Variants in ADGRB3 observed in about 807,000 individuals in gnomAD.
ADGRB3 encodes the protein adhesion G protein-coupled receptor B3.
Under a neutral mutation model 193.4 loss-of-function variants are expected in ADGRB3, and 37 were observed. That is an observed-to-expected ratio of 0.19 (90% CI 0.15 to 0.25). The LOEUF is 0.25. Among genes scored for constraint, ADGRB3 ranks in the 10% least tolerant of loss-of-function variants. The pLI is 1.00. For synonymous variants in ADGRB3, 690 were observed against 644.2 expected (o/e 1.07, Z -1.08); for missense variants, 1,637 against 1,852.9 (o/e 0.88, Z 2.14).
chr6:68,732,252 G>A (rs974049168), intron 3 of ADGRB3, among the ~76,000 whole-genome samples: 2 of 151,716 alleles, frequency 1.3e-5, no homozygotes, highest in Non-Finnish European at 2.9e-5. Flanking sequence ...GTTTGTTAGA[G>A]ATTATTTCAT....
At chr6:69,281,581 C>T (rs1306846753) in intron 20 of ADGRB3, among the ~76,000 whole-genome samples, 13 of 152,162 alleles carry the variant, frequency 8.5e-5, no homozygotes, top group Admixed American at 8.5e-4. Flanking sequence ...AGCCCATCTG[C>T]ACCTGCTGCA....
At chr6:69,120,999 C>CT (rs36095516) in intron 17 of ADGRB3, among the ~76,000 whole-genome samples, 55,247 of 123,468 alleles carry the variant, frequency 0.45, 12,360 homozygotes, top group Middle Eastern at 0.62. Flanking sequence ...ATGCAGTTAT[C>CT]TTTTTTTTTT....
intron 20 of ADGRB3, among the ~76,000 whole-genome samples, chr6:69,317,375 CTA>C (rs1480721339): frequency 6.6e-6 from 1 of 151,402 alleles, no homozygotes; most frequent in Admixed American, 6.6e-5. Flanking sequence ...GCTTGTACAC[CTA>C]TCCACTAGTG....
intron 3 of ADGRB3, among the ~76,000 whole-genome samples, chr6:68,873,214 G>A (rs1332467248): frequency 6.6e-6 from 1 of 152,064 alleles, no homozygotes; most frequent in Admixed American, 6.6e-5. Flanking sequence ...CTTAAAATAG[G>A]TGGTATTAAT....
intron 3 of ADGRB3, among the ~76,000 whole-genome samples, chr6:68,840,335 C>A (rs487492): frequency 0.22 from 31,332 of 143,014 alleles, 3,883 homozygotes; most frequent in East Asian, 0.59. Flanking sequence ...TACATCAGGC[C>A]ACAGTGGGGC....
chr6:68,762,658 C>T (rs1369961581), intron 3 of ADGRB3, among the ~76,000 whole-genome samples: 10 of 151,928 alleles, frequency 6.6e-5, no homozygotes, highest in South Asian at 6.2e-4. Context: ...AAATGTCATA[C>T]GATACTTAAG....
intron 3 of ADGRB3, among the ~76,000 whole-genome samples, chr6:68,799,546 T>A (rs905176826): frequency 6.6e-6 from 1 of 152,234 alleles, no homozygotes; most frequent in South Asian, 2.1e-4. Context: ...CCAATTTTTT[T>A]AAGTACTGTA....
At chr6:69,051,543 A>G (rs887274323) in intron 15 of ADGRB3, among the ~76,000 whole-genome samples, 1 of 152,214 alleles carries the variant, frequency 6.6e-6, no homozygotes, top group African/African-American at 2.4e-5. Context: ...GCTCAGGATG[A>G]AATATTTGTT....
intron 3 of ADGRB3, among the ~76,000 whole-genome samples, chr6:68,826,298 G>A (rs1229495779): frequency 6.6e-6 from 1 of 152,170 alleles, no homozygotes; most frequent in African/African-American, 2.4e-5. Context: ...CCTTGAAATG[G>A]GAATTCGAGG....
At chr6:69,223,389 T>A (rs1765940486) in intron 17 of ADGRB3, among the ~76,000 whole-genome samples, 1 of 152,104 alleles carries the variant, frequency 6.6e-6, no homozygotes, top group East Asian at 1.9e-4. Flanking sequence ...AATTGATATC[T>A]CAGTTTGATG....
chr6:68,801,227 G>C (rs958166168), intron 3 of ADGRB3, among the ~76,000 whole-genome samples: 3 of 152,148 alleles, frequency 2.0e-5, no homozygotes, highest in Non-Finnish European at 2.9e-5. Flanking sequence ...GTTCTTAATA[G>C]AAATGTTTCT....
intron 3 of ADGRB3, among the ~76,000 whole-genome samples, chr6:68,909,922 G>A (rs1376200930): frequency 6.6e-6 from 1 of 152,220 alleles, no homozygotes; most frequent in Admixed American, 6.5e-5. Flanking sequence ...TATATACCCA[G>A]TAATGGGATG....
chr6:68,958,870 A>AAATAGTGTGT (rs1554227911), intron 8 of ADGRB3, among the ~76,000 whole-genome samples: 36 of 147,336 alleles, frequency 2.4e-4, no homozygotes, highest in African/African-American at 8.4e-4. Flanking sequence ...AAAGAAAAAT[A>AAATAGTGTGT]GTGTGTGTGT....
chr6:68,931,115 A>G (rs1482424763), intron 4 of ADGRB3, among the ~76,000 whole-genome samples: 1 of 152,030 alleles, frequency 6.6e-6, no homozygotes, highest in East Asian at 1.9e-4. Context: ...AAATGCACAG[A>G]AAATATAAAC....
intron 3 of ADGRB3, among the ~76,000 whole-genome samples, chr6:68,842,379 G>A (rs9446060): frequency 0.52 from 79,420 of 151,602 alleles, 21,607 homozygotes; most frequent in Middle Eastern, 0.75. Flanking sequence ...AGAGGCTAAT[G>A]TTAGGAACTA....
intron 11 of ADGRB3, among the ~76,000 whole-genome samples, chr6:68,997,723 C>G (rs916039491): frequency 1.1e-4 from 17 of 151,422 alleles, no homozygotes; most frequent in Admixed American, 5.9e-4. Flanking sequence ...GGCCTGATTC[C>G]TCCCAACACA....
intron 3 of ADGRB3, among the ~76,000 whole-genome samples, chr6:68,668,443 C>T (rs1247832546): frequency 6.6e-6 from 1 of 151,948 alleles, no homozygotes. Flanking sequence ...CTATAATCAG[C>T]ACAAGTTCTT....
At chr6:68,988,018 T>G (rs1769128888) in intron 10 of ADGRB3, among the ~76,000 whole-genome samples, 1 of 152,184 alleles carries the variant, frequency 6.6e-6, no homozygotes, top group Admixed American at 6.6e-5. Context: ...TATGGACTAC[T>G]GCTTTTACCT....
At chr6:69,013,931 A>G in intron 11 of ADGRB3, 107 bp from the exon 12 acceptor site, 2 of 593,538 alleles carry the variant, frequency 3.4e-6, no homozygotes, top group Non-Finnish European at 2.9e-6. Flanking sequence ...ATAAAGCAAT[A>G]TTGCAAAGTG....
Sources: gnomAD v4.1 joint callset for allele counts (sites outside exome capture counted in the v4.1 genomes callset) on GRCh38, gnomAD v4.1.1 for gene constraint, MANE v1.5 for transcripts, NCBI Gene and HGNC (gene_info 2026-07-23, HGNC 2026-07-21) for gene names.